The following SH3PXD2A variants were observed in gnomAD, a reference collection of about 807,000 sequenced individuals.
SH3PXD2A encodes SH3 and PX domain-containing protein 2A.
In SH3PXD2A, 32 loss-of-function variants were observed where a neutral mutation model predicts 115.2. That is an observed-to-expected ratio of 0.28 (90% CI 0.21 to 0.37). The LOEUF is 0.37. SH3PXD2A is among the 10% of genes least tolerant of loss of function. SH3PXD2A has a pLI of 1.00. For missense variants in SH3PXD2A, 1,328 were observed against 1,498.7 expected (o/e 0.89, Z 1.88); for synonymous variants, 610 against 629.1 (o/e 0.97, Z 0.45).
In SH3PXD2A at chr10:103,615,483, G is replaced by GGTGTGTGTGTGTGTGTGTGT. The variant is rs57711259; in HGVS notation, c.920+1694_920+1713dup. On this transcript the variant is annotated intron_variant, in intron 11 of 14. Transcript: ENST00000369774. ...GAAAGGGCGCGATGGAGAGTGCGAG[G>GGTGTGTGTGTGTGTGTGTGT]GTGTGTGTGTGTGTGTGTGTGTGTG... 5.5e-3 allele frequency among the ~76,000 whole-genome samples: 712 copies of GGTGTGTGTGTGTGTGTGTGT among 128,532 alleles called. 18 individuals are homozygous for GGTGTGTGTGTGTGTGTGTGT. Among genetic ancestry groups the GGTGTGTGTGTGTGTGTGTGT allele is most frequent in the East Asian group, 0.012 (51 of 4,288 alleles). The allele number at this position is 128,532 out of a possible 152,430, so 84.3% of individuals were successfully genotyped here.
intron 1 of SH3PXD2A, among the ~76,000 whole-genome samples, chr10:103,818,917 C>T (rs1276734391): frequency 1.5e-4 from 23 of 152,216 alleles, no homozygotes; most frequent in Admixed American, 1.5e-3. Flanking sequence ...ACTGGAGACT[C>T]AGATGGCCAA....
At chr10:103,778,664 T>C (rs867421105) in intron 2 of SH3PXD2A, among the ~76,000 whole-genome samples, 25 of 152,040 alleles carry the variant, frequency 1.6e-4, no homozygotes, top group African/African-American at 5.5e-4. Flanking sequence ...ATGAATGGGG[T>C]CGCCAGTTTG....
chr10:103,830,688 T>G (rs1291980054), intron 1 of SH3PXD2A, among the ~76,000 whole-genome samples: 1 of 152,164 alleles, frequency 6.6e-6, no homozygotes, highest in Non-Finnish European at 1.5e-5. Context: ...ACCACTTAAA[T>G]GGATCTTATA....
At chr10:103,757,460 A>G (rs1401098075) in intron 3 of SH3PXD2A, among the ~76,000 whole-genome samples, 1 of 152,162 alleles carries the variant, frequency 6.6e-6, no homozygotes, top group Non-Finnish European at 1.5e-5. Context: ...TACCTAGGAT[A>G]CAATCCATCC....
At chr10:103,846,105 GAC>G (rs140514446) in intron 1 of SH3PXD2A, among the ~76,000 whole-genome samples, 9 of 152,106 alleles carry the variant, frequency 5.9e-5, no homozygotes, top group Non-Finnish European at 1.2e-4. Flanking sequence ...ATGCTGCATT[GAC>G]ACACACACAC....
intron 1 of SH3PXD2A, among the ~76,000 whole-genome samples, chr10:103,803,366 G>A (rs769005609): frequency 7.9e-5 from 12 of 152,108 alleles, no homozygotes; most frequent in Admixed American, 2.6e-4. Flanking sequence ...ATGTAAATAG[G>A]TATCACATGA....
chr10:103,660,916 C>CA, intron 8 of SH3PXD2A, 67 bp downstream of exon 8: 1 of 1,574,766 alleles, frequency 6.4e-7, no homozygotes, highest in Non-Finnish European at 8.7e-7. Flanking sequence ...GAGGGAGGAA[C>CA]AAAAACCAGC....
intron 4 of SH3PXD2A, among the ~76,000 whole-genome samples, chr10:103,726,765 A>G (rs780453261): frequency 2.0e-4 from 31 of 152,170 alleles, no homozygotes; most frequent in Non-Finnish European, 3.7e-4. Flanking sequence ...TTAGATAACA[A>G]TTGAAGTGTG....
At chr10:103,681,755 C>A (rs536438030) in intron 6 of SH3PXD2A, among the ~76,000 whole-genome samples, 1 of 125,302 alleles carries the variant, frequency 8.0e-6, no homozygotes, top group Non-Finnish European at 1.8e-5. Flanking sequence ...CACACACACG[C>A]GCCCGCGCGC....
chr10:103,606,489 C>T (rs1396449744), intron 13 of SH3PXD2A, among the ~76,000 whole-genome samples: 1 of 147,400 alleles, frequency 6.8e-6, no homozygotes, highest in Middle Eastern at 3.4e-3. Flanking sequence ...CCTTCCCTCT[C>T]CCTCTCCCCA....
Position 103,708,070 on chromosome 10 carries a change from G to A in SH3PXD2A, c.399-15014C>T, listed in dbSNP as rs543596140. ...TCCTGCGCTCCTGGCTTGAGCACCT[G>A]TGTGGGACCTGCCTGGCCTCCTTAA... On this transcript the variant is annotated intron_variant, in intron 5 of 14. Transcript: ENST00000369774. 2.0e-5 allele frequency among the ~76,000 whole-genome samples: 3 copies of A among 152,256 alleles called. No homozygotes were observed. In the South Asian group the frequency reaches 6.2e-4, roughly 32 times the overall value.
chr10:103,613,591 A>C (rs539618626), intron 11 of SH3PXD2A, among the ~76,000 whole-genome samples: 14 of 152,290 alleles, frequency 9.2e-5, no homozygotes, highest in African/African-American at 2.9e-4. Context: ...TGGTATGTAG[A>C]GGTAAATGGC....
At position 103,656,379 on chromosome 10, in the gene SH3PXD2A, A is replaced by G. The variant is rs572400436; in HGVS notation, c.604+4604T>C. On this transcript the variant is annotated intron_variant, in intron 8 of 14. Transcript: ENST00000369774. The stretch of plus-strand genomic sequence containing the variant: ...AAACTTCGAATTCTGAACTCAGAGA[A>G]CCAGAGGTCAAACTCAGTTGTCGGG... 2.8e-4 allele frequency among the ~76,000 whole-genome samples: 42 copies of G among 152,354 alleles called. No individual in the cohort carries two copies. The South Asian group carries it at 8.3e-3, about 30-fold the overall frequency.
chr10:103,677,509 G>C (rs2037553226), intron 6 of SH3PXD2A, among the ~76,000 whole-genome samples: 1 of 152,128 alleles, frequency 6.6e-6, no homozygotes, highest in Non-Finnish European at 1.5e-5. Flanking sequence ...GTGGGGATGG[G>C]GGGTCAGGGG....
chr10:103,792,445 C>T (rs2039044767), intron 2 of SH3PXD2A, among the ~76,000 whole-genome samples: 1 of 152,110 alleles, frequency 6.6e-6, no homozygotes, highest in Non-Finnish European at 1.5e-5. Flanking sequence ...GAGTTTTAAG[C>T]TTCTGAGGGC....
intron 8 of SH3PXD2A, among the ~76,000 whole-genome samples, chr10:103,632,915 G>A (rs577212600): frequency 2.0e-4 from 31 of 152,138 alleles, no homozygotes; most frequent in African/African-American, 6.3e-4. Context: ...TAGAGGTTGC[G>A]GTGAGCTGAG....
rs1330617464 is a variant in SH3PXD2A, at chr10:103,599,630, T to A, written c.*2186A>T. ...TACTGCATCTTTAAGTAATGCACTT[T>A]GCTCTCTGGGTTTTTTCCATTCTAC... On this transcript the variant is annotated 3_prime_UTR_variant, in exon 15 of 15. Transcript: ENST00000369774. 6.5e-6 allele frequency: 1 copy of A among 152,798 alleles called. No homozygotes were observed. The highest frequency in any genetic ancestry group is 1.9e-4 in the East Asian group (1 of 5,192). 9.5% of individuals were successfully genotyped at this position (152,798 alleles called of 1,614,324 possible).
intron 13 of SH3PXD2A, among the ~76,000 whole-genome samples, chr10:103,607,219 C>T (rs2036328388): frequency 6.6e-6 from 1 of 151,508 alleles, no homozygotes; most frequent in Non-Finnish European, 1.5e-5. Flanking sequence ...CCTCTCTGCC[C>T]AGCCGCCCCG....
chr10:103,813,314 C>A (rs1204404684), intron 1 of SH3PXD2A, among the ~76,000 whole-genome samples: 1 of 152,022 alleles, frequency 6.6e-6, no homozygotes, highest in African/African-American at 2.4e-5. Flanking sequence ...TTATAGATTT[C>A]TTTTTTTCTT....
Sources: gnomAD v4.1 joint callset for allele counts (sites outside exome capture counted in the v4.1 genomes callset) on GRCh38, gnomAD v4.1.1 for gene constraint, MANE v1.5 for transcripts, NCBI Gene and HGNC (gene_info 2026-07-23, HGNC 2026-07-21) for gene names.